The following CIT variants were observed in gnomAD, a reference collection of about 807,000 sequenced individuals.
CIT encodes the protein citron rho-interacting serine/threonine kinase.
In CIT, 79 loss-of-function variants were observed where a neutral mutation model predicts 272.7. That is an observed-to-expected ratio of 0.29 (90% CI 0.24 to 0.35). CIT has a LOEUF of 0.35. CIT is among the 10% of genes least tolerant of loss of function. The pLI is 1.00. For synonymous variants in CIT, 948 were observed against 995.6 expected (o/e 0.95, Z 0.90); for missense variants, 1,909 against 2,618.3 (o/e 0.73, Z 5.91).
At chr12:119,763,511 G>A (rs1962070589) in intron 19 of CIT, among the ~76,000 whole-genome samples, 1 of 152,178 alleles carries the variant, frequency 6.6e-6, no homozygotes, top group African/African-American at 2.4e-5. Context: ...TTACAGATGT[G>A]AACCACTGTG....
In CIT at chr12:119,782,063, C is replaced by CA. The variant is rs200067007; in HGVS notation, c.1665+454dup. 3.0e-3 allele frequency: 418 copies of CA among 140,268 alleles called. 3 individuals carry two copies. The East Asian group carries it at 0.035, about 12-fold the overall frequency. The allele number at this position is 140,268 out of a possible 1,614,324, so 8.7% of individuals were successfully genotyped here. Reference sequence around the variant, plus strand: ...CAAATTACCAAGCATGGCTGTGTTCCAAAAAAAAAACACTTTATTTATGGA... The same window carrying CA: ...CAAATTACCAAGCATGGCTGTGTTCCAAAAAAAAAAACACTTTATTTATGGA... On this transcript the variant is annotated intron_variant, in intron 13 of 47. Transcript: ENST00000392521.
chr12:119,790,005 C>T (rs1032080262), intron 10 of CIT, among the ~76,000 whole-genome samples: 3 of 151,878 alleles, frequency 2.0e-5, no homozygotes, highest in Non-Finnish European at 4.4e-5. Context: ...TGAGCCACTG[C>T]ACCCGGCCTG....
chr12:119,801,586 G>C (rs535401602), intron 10 of CIT, among the ~76,000 whole-genome samples: 21 of 152,234 alleles, frequency 1.4e-4, no homozygotes, highest in Middle Eastern at 3.4e-3. Context: ...ACCAGAACTA[G>C]AACTCTCCAC....
intron 5 of CIT, among the ~76,000 whole-genome samples, chr12:119,849,085 C>G (rs374273838): frequency 6.6e-6 from 1 of 152,062 alleles, no homozygotes; most frequent in South Asian, 2.1e-4. Flanking sequence ...AAAGGGAAAG[C>G]TTATGTAACC....
chr12:119,707,855 T>A (rs1184712880), intron 40 of CIT, among the ~76,000 whole-genome samples: 1 of 152,228 alleles, frequency 6.6e-6, no homozygotes, highest in Non-Finnish European at 1.5e-5. Context: ...GCCCAGTGAC[T>A]ATCTGTCCAA....
Position 119,759,539 on chromosome 12 carries a change from G to A in CIT, c.2422-839C>T, listed in dbSNP as rs577718602. On this transcript the variant is annotated intron_variant, in intron 20 of 47. Transcript: ENST00000392521. ...CACATGACTATAATCCCAGCTACTCGGGAGGCTGAGGCAGGAGAGTCACTT... is the reference window on the plus strand; with the variant it reads ...CACATGACTATAATCCCAGCTACTCAGGAGGCTGAGGCAGGAGAGTCACTT... Among the ~76,000 whole-genome samples the A allele has an allele frequency of 9.2e-5, 14 of 152,170 alleles. No individual in the cohort carries two copies. In the South Asian group the frequency reaches 2.7e-3, roughly 29 times the overall value.
intron 23 of CIT, among the ~76,000 whole-genome samples, chr12:119,743,605 T>C (rs1472573286): frequency 6.6e-6 from 1 of 152,226 alleles, no homozygotes; most frequent in Non-Finnish European, 1.5e-5. Context: ...ATGAGGTCTG[T>C]TATAGGAAAC....
chr12:119,718,647 A>G lies in CIT; in HGVS notation c.4003+52T>C, dbSNP rs1957671690. ...GTCTTGGCTGATCTCACTGAGATCA[A>G]TCCTCTGCCTTTTCCACATCCTTGA... On this transcript the variant is annotated intron_variant, in intron 31 of 47. Transcript: ENST00000392521. This position sits in a 1 kb window ranked among gnomAD's most constrained non-coding sequence, Gnocchi z 4.8. 14 of 1,607,784 alleles carry G rather than the reference A, an allele frequency of 8.7e-6. No homozygotes were observed. Among genetic ancestry groups the G allele is most frequent in the Middle Eastern group, 2.2e-4 (1 of 4,464 alleles).
chr12:119,870,594 T>C (rs1950643785), intron 2 of CIT, among the ~76,000 whole-genome samples: 1 of 147,456 alleles, frequency 6.8e-6, no homozygotes, highest in South Asian at 2.1e-4. Context: ...CAGCTTCCAC[T>C]TTTGGGAAGC....
chr12:119,710,153 C>G lies in CIT; in HGVS notation c.5071+98G>C. On this transcript the variant is annotated intron_variant, in intron 39 of 47. Transcript: ENST00000392521. The surrounding 1 kb of genome is among the most constrained non-coding windows in gnomAD (Gnocchi z 5.6). ...CACAGAGATAAGAGCTACAACGGCTCCTCTCTACTATTTTGTGTTTTACGA... is the reference window on the plus strand; with the variant it reads ...CACAGAGATAAGAGCTACAACGGCTGCTCTCTACTATTTTGTGTTTTACGA... The G allele has an allele frequency of 7.4e-7, 1 of 1,349,016 alleles. No homozygotes were observed. Among genetic ancestry groups the G allele is most frequent in the Non-Finnish European group, 1.0e-6 (1 of 974,516 alleles). The allele number at this position is 1,349,016 out of a possible 1,614,324, so 83.6% of individuals were successfully genotyped here.
At chr12:119,831,010 C>A (rs535308223) in intron 7 of CIT, among the ~76,000 whole-genome samples, 1 of 152,272 alleles carries the variant, frequency 6.6e-6, no homozygotes, top group East Asian at 1.9e-4. Context: ...GAGCTACAAG[C>A]ATGTACTACC....
At chr12:119,738,172 C>G (rs1205979547) in intron 24 of CIT, among the ~76,000 whole-genome samples, 1 of 152,184 alleles carries the variant, frequency 6.6e-6, no homozygotes, top group African/African-American at 2.4e-5. Flanking sequence ...ACTCAAGAAT[C>G]TACATTCTTG....
At chr12:119,818,441 T>C (rs7308076) in intron 9 of CIT, among the ~76,000 whole-genome samples, 89,095 of 152,072 alleles carry the variant, frequency 0.59, 27,387 homozygotes, top group East Asian at 0.84. Context: ...CTCAGGATTA[T>C]TGAGCAACCA....
chr12:119,789,416 C>T (rs778224848), intron 10 of CIT, among the ~76,000 whole-genome samples: 2 of 152,124 alleles, frequency 1.3e-5, no homozygotes, highest in African/African-American at 2.4e-5. Context: ...TTCAAAACAA[C>T]GTACAGGTAT....
chr12:119,785,152 C>G, intron 10 of CIT, 87 bp from the exon 11 acceptor site: 1 of 1,385,964 alleles, frequency 7.2e-7, no homozygotes, highest in Non-Finnish European at 9.9e-7. Context: ...TTTCATTTTA[C>G]AAAAACATCT....
intron 4 of CIT, among the ~76,000 whole-genome samples, chr12:119,854,861 G>T (rs1970483266): frequency 6.6e-6 from 1 of 152,112 alleles, no homozygotes; most frequent in Non-Finnish European, 1.5e-5. Flanking sequence ...TGAGCAAGAA[G>T]AATCGCTTGA....
chr12:119,784,621 C>T lies in CIT; in HGVS notation c.1401+339G>A. 1 of 1,206,916 alleles carries T rather than the reference C, an allele frequency of 8.3e-7. No homozygotes were observed. The highest frequency in any genetic ancestry group is 1.0e-6 in the Non-Finnish European group (1 of 964,816). 74.8% of individuals were successfully genotyped at this position (1,206,916 alleles called of 1,614,324 possible). On this transcript the variant is annotated intron_variant, in intron 11 of 47. Coordinates refer to ENST00000392521, the MANE Select transcript of CIT (RefSeq NM_001206999.2). The surrounding 1 kb of genome is among the most constrained non-coding windows in gnomAD (Gnocchi z 4.7). The stretch of plus-strand genomic sequence containing the variant: ...AGTTTTAAAAGACTAGGAAGAGAGA[C>T]TTCGCATCACTCAAAGCAGATGGGA...
At chr12:119,872,376 T>C (rs1186922308) in intron 2 of CIT, among the ~76,000 whole-genome samples, 1 of 152,090 alleles carries the variant, frequency 6.6e-6, no homozygotes, top group Non-Finnish European at 1.5e-5. Context: ...AAAGACAAAA[T>C]GACACTCAGT....
At chr12:119,763,254 A>G (rs1363322610) in intron 19 of CIT, among the ~76,000 whole-genome samples, 2 of 5,526 alleles carry the variant, frequency 3.6e-4, no homozygotes, top group East Asian at 8.1e-4. Flanking sequence ...ATCATAGAAT[A>G]TGTTTCACAA....
Sources: gnomAD v4.1 joint callset for allele counts (sites outside exome capture counted in the v4.1 genomes callset) on GRCh38, gnomAD v4.1.1 for gene constraint, Gnocchi (gnomAD v3.1) non-coding constraint, MANE v1.5 for transcripts, NCBI Gene and HGNC (gene_info 2026-07-23, HGNC 2026-07-21) for gene names.